The following LRP1B variants were observed in gnomAD, a reference collection of about 807,000 sequenced individuals.
The protein encoded by LRP1B is low-density lipoprotein receptor-related protein 1B.
In LRP1B, 217 loss-of-function variants were observed where a neutral mutation model predicts 556.6. The ratio of observed to expected loss-of-function variants is 0.39; its 90% CI spans 0.35 to 0.44. The LOEUF (loss-of-function observed/expected upper bound fraction) is 0.44. Among genes scored for constraint, LRP1B ranks in the 20% least tolerant of loss-of-function variants. The pLI, the probability that LRP1B is intolerant of heterozygous loss-of-function variation, is 1.00. For missense variants in LRP1B, 5,053 were observed against 5,620.8 expected, an observed-to-expected ratio of 0.90 and a Z score of 3.23; for synonymous variants, 2,047 against 1,865.8, an observed-to-expected ratio of 1.10 and a Z score of -2.50.
At chr2:141,004,758 A>C (rs534487461) in intron 15 of LRP1B, among the ~76,000 whole-genome samples, 51 of 152,178 alleles carry the variant, frequency 3.4e-4, no homozygotes, top group Non-Finnish European at 6.6e-4. Context: ...CTGAAGGGGC[A>C]CCACATGGGG....
At chr2:141,355,967 C>T (rs1285601748) in intron 3 of LRP1B, among the ~76,000 whole-genome samples, 1 of 151,904 alleles carries the variant, frequency 6.6e-6, no homozygotes, top group Non-Finnish European at 1.5e-5. Flanking sequence ...CCTAAATTAC[C>T]AAATTATCAG....
chr2:141,068,469 C>T (rs900545044), intron 7 of LRP1B, among the ~76,000 whole-genome samples: 11 of 151,040 alleles, frequency 7.3e-5, no homozygotes, highest in South Asian at 4.2e-4. Flanking sequence ...AAGAGAAAGC[C>T]GGCCACCTCA....
At chr2:141,811,169 T>C (rs1474407653) in intron 1 of LRP1B, among the ~76,000 whole-genome samples, 1 of 152,096 alleles carries the variant, frequency 6.6e-6, no homozygotes, top group Non-Finnish European at 1.5e-5. Flanking sequence ...CGTGAATCCC[T>C]TTACAAACTA....
At chr2:141,168,273 C>G (rs974614238) in intron 7 of LRP1B, among the ~76,000 whole-genome samples, 3 of 151,936 alleles carry the variant, frequency 2.0e-5, no homozygotes, top group Non-Finnish European at 4.4e-5. Flanking sequence ...TTTCTGACAG[C>G]CTGTATCTAT....
chr2:141,339,505 C>T (rs1271024750), intron 3 of LRP1B, among the ~76,000 whole-genome samples: 1 of 152,228 alleles, frequency 6.6e-6, no homozygotes, highest in Non-Finnish European at 1.5e-5. Flanking sequence ...TCCCTCATTA[C>T]CTCAGTTTTC....
At position 140,771,000 on chromosome 2, in the gene LRP1B, T is replaced by C. The variant is rs1178788491; in HGVS notation, c.5507A>G (p.Asn1836Ser). 1.9e-6 allele frequency: 3 copies of C among 1,573,048 alleles called. No individual in the cohort carries two copies. In the African/African-American group the frequency reaches 4.1e-5, roughly 22 times the overall value. Residue 1836 changes from asparagine to serine, a missense_variant, in exon 34 of 91, where the codon AAT becomes AGT. Physicochemically the swap from Asn to Ser is conservative, Grantham distance 46. Transcript: ENST00000389484. ...VYDKEAQQGS[N>S]SCQLNNGGCS... ...TCCACCATTGTTTAGTTGGCAGGAATTGCTGCCTGCATAGAATGAAAATGA... is the reference window on the plus strand; with the variant it reads ...TCCACCATTGTTTAGTTGGCAGGAACTGCTGCCTGCATAGAATGAAAATGA...
intron 63 of LRP1B, among the ~76,000 whole-genome samples, chr2:140,448,556 C>T (rs1462525994): frequency 6.6e-6 from 1 of 151,944 alleles, no homozygotes; most frequent in East Asian, 1.9e-4. Context: ...CTAAGAAAGT[C>T]AAACTCATAG....
At chr2:141,188,899 A>G (rs564180891) in intron 6 of LRP1B, among the ~76,000 whole-genome samples, 1 of 152,108 alleles carries the variant, frequency 6.6e-6, no homozygotes, top group South Asian at 2.1e-4. Flanking sequence ...AAAATAGTTC[A>G]TTCGATGGAA....
chr2:140,594,310 T>C (rs1026249273), intron 43 of LRP1B, among the ~76,000 whole-genome samples: 1 of 152,098 alleles, frequency 6.6e-6, no homozygotes, highest in Non-Finnish European at 1.5e-5. Flanking sequence ...AAATCATCTG[T>C]TTTCTGATCA....
chr2:142,096,640 A>T (rs1429936023), intron 1 of LRP1B, among the ~76,000 whole-genome samples: 1 of 151,686 alleles, frequency 6.6e-6, no homozygotes, highest in Non-Finnish European at 1.5e-5. Context: ...ATTTACACAT[A>T]AGTTTGTCAG....
At chr2:141,472,611 C>T (rs569395939) in intron 3 of LRP1B, among the ~76,000 whole-genome samples, 1 of 152,110 alleles carries the variant, frequency 6.6e-6, no homozygotes, top group South Asian at 2.1e-4. Flanking sequence ...AAATGAAGAT[C>T]CATAATGCAC....
chr2:141,146,444 T>C (rs922250350), intron 7 of LRP1B, among the ~76,000 whole-genome samples: 1 of 152,174 alleles, frequency 6.6e-6, no homozygotes, highest in East Asian at 1.9e-4. Context: ...TATATTACCA[T>C]GTCGTGTGCT....
intron 15 of LRP1B, among the ~76,000 whole-genome samples, chr2:141,002,955 T>C (rs553883419): frequency 6.6e-6 from 1 of 151,994 alleles, no homozygotes; most frequent in South Asian, 2.1e-4. Flanking sequence ...TTGAAGAAGA[T>C]GAGAAAAGTA....
Position 140,252,087 on chromosome 2 carries a change from A to AAAC in LRP1B, c.13248-4928_13248-4926dup, listed in dbSNP as rs1553482272. Among the ~76,000 whole-genome samples, 1,007 of 111,612 alleles carry AAAC rather than the reference A, an allele frequency of 9.0e-3. 106 individuals carry two copies. Among genetic ancestry groups the AAAC allele is most frequent in the African/African-American group, 0.033 (809 of 24,530 alleles). The allele number at this position is 111,612 out of a possible 152,430, so 73.2% of individuals were successfully genotyped here. A position where few individuals can be genotyped will look rare whatever the true frequency, so the allele number is the denominator to read the frequency against. On this transcript the variant is annotated intron_variant, in intron 86 of 90. Coordinates refer to ENST00000389484, the MANE Select transcript of LRP1B (RefSeq NM_018557.3). ...CAAAAAAAAAAAAAAAAAAAAAAAAAAACCCAAAAAACAAAAAAAAACAGA... is the reference window on the plus strand; with the variant it reads ...CAAAAAAAAAAAAAAAAAAAAAAAAAAACAACCCAAAAAACAAAAAAAAACAGA...
At chr2:141,323,815 A>T (rs1227224553) in intron 3 of LRP1B, among the ~76,000 whole-genome samples, 2 of 151,920 alleles carry the variant, frequency 1.3e-5, no homozygotes, top group Non-Finnish European at 2.9e-5. Flanking sequence ...AACTCAGCTT[A>T]AAAGTGAAAA....
At chr2:140,609,604 T>C (rs1682996929) in intron 41 of LRP1B, among the ~76,000 whole-genome samples, 1 of 152,230 alleles carries the variant, frequency 6.6e-6, no homozygotes, top group Non-Finnish European at 1.5e-5. Context: ...TGAATTATAG[T>C]AGTATTTATC....
chr2:142,016,772 C>G (rs1324337258), intron 1 of LRP1B, among the ~76,000 whole-genome samples: 2 of 150,876 alleles, frequency 1.3e-5, no homozygotes, highest in Non-Finnish European at 2.9e-5. Context: ...CACGTGTATA[C>G]CTATGTAACA....
chr2:141,271,282 A>G (rs1685080049), intron 3 of LRP1B, among the ~76,000 whole-genome samples: 1 of 151,774 alleles, frequency 6.6e-6, no homozygotes, highest in Non-Finnish European at 1.5e-5. Flanking sequence ...CAACATACAC[A>G]TAATGAGAGT....
chr2:140,734,940 G>A (rs1301289010), intron 35 of LRP1B, among the ~76,000 whole-genome samples: 1 of 152,156 alleles, frequency 6.6e-6, no homozygotes, highest in Non-Finnish European at 1.5e-5. Flanking sequence ...CTGCCTCGCA[G>A]ACAACTCTCC....
Sources: allele counts gnomAD v4.1 joint callset (sites outside exome capture counted in the v4.1 genomes callset), GRCh38; gene constraint gnomAD v4.1.1; transcripts MANE v1.5; gene names NCBI Gene and HGNC (gene_info 2026-07-23, HGNC 2026-07-21).